ZNF277: variants seen among roughly 807,000 people sequenced by gnomAD.
ZNF277 encodes the protein nuclear receptor-interacting factor 4.
ZNF277 carries 55 observed loss-of-function variants against 60.7 expected under a neutral mutation model. The ratio of observed to expected loss-of-function variants is 0.91; its 90% CI spans 0.73 to 1.13. The LOEUF (loss-of-function observed/expected upper bound fraction) is 1.13, where lower values mean the gene tolerates loss of function less well. Among genes scored for constraint, ZNF277 ranks in the 50% most tolerant of loss-of-function variants. The probability of loss-of-function intolerance (pLI) is 0.00; values close to 1 mark genes in which losing one functional copy is unlikely to be tolerated. For synonymous variants in ZNF277, 178 were observed against 179.3 expected (o/e 0.99, Z 0.06); for missense variants, 510 against 523.0 (o/e 0.98, Z 0.24).
intron 1 of ZNF277, among the ~76,000 whole-genome samples, chr7:112,257,129 C>T (rs1179451349): frequency 6.6e-6 from 1 of 152,126 alleles, no homozygotes; most frequent in East Asian, 1.9e-4. Flanking sequence ...TATTGATGAC[C>T]ATCAACATAA....
At chr7:112,322,739 C>G (rs773793177) in intron 5 of ZNF277, among the ~76,000 whole-genome samples, 4 of 152,044 alleles carry the variant, frequency 2.6e-5, no homozygotes, top group Non-Finnish European at 5.9e-5. Flanking sequence ...ATTTCTGTTT[C>G]TGCTTTCTTC....
At chr7:112,246,917 G>A (rs1021155675) in intron 1 of ZNF277, among the ~76,000 whole-genome samples, 2 of 152,144 alleles carry the variant, frequency 1.3e-5, no homozygotes, top group African/African-American at 4.8e-5. Context: ...TTAGGCCCCA[G>A]AGAGACATTT....
chr7:112,232,950 T>C (rs182829132), intron 1 of ZNF277, among the ~76,000 whole-genome samples: 2 of 152,302 alleles, frequency 1.3e-5, no homozygotes, highest in Admixed American at 6.5e-5. Flanking sequence ...AAATCATCTC[T>C]TCCCTGCCTG....
At position 112,296,888 on chromosome 7, in the gene ZNF277, T is replaced by TTTTATTTATTTATTTATTTA. The variant is rs764539582; in HGVS notation, c.465+585_465+604dup. Among the ~76,000 whole-genome samples, 99 of 62,136 alleles carry TTTTATTTATTTATTTATTTA rather than the reference T, an allele frequency of 1.6e-3. 1 individual carries two copies. Among genetic ancestry groups the TTTTATTTATTTATTTATTTA allele is most frequent in the Middle Eastern group, 9.4e-3 (1 of 106 alleles). The allele number at this position is 62,136 out of a possible 152,430, so 40.8% of individuals were successfully genotyped here. On this transcript the variant is annotated intron_variant, in intron 4 of 11. Transcript: ENST00000361822. ...ATTTTATTTTATTTTCTTATTTTTATTTTATTTATTTATTTATTTATTTAT... is the reference window on the plus strand; with the variant it reads ...ATTTTATTTTATTTTCTTATTTTTATTTTATTTATTTATTTATTTATTTATTTATTTATTTATTTATTTAT...
chr7:112,214,085 G>A (rs1821821007), intron 1 of ZNF277, among the ~76,000 whole-genome samples: 1 of 152,144 alleles, frequency 6.6e-6, no homozygotes, highest in African/African-American at 2.4e-5. Context: ...GATTTGATGG[G>A]TCAGATACCG....
chr7:112,207,528 G>A (rs907183341), intron 1 of ZNF277, among the ~76,000 whole-genome samples: 1 of 152,152 alleles, frequency 6.6e-6, no homozygotes, highest in Non-Finnish European at 1.5e-5. Flanking sequence ...TCACAACTTT[G>A]GCTGTACCTG....
chr7:112,268,752 G>A (rs1408143098), intron 1 of ZNF277, among the ~76,000 whole-genome samples: 1 of 151,908 alleles, frequency 6.6e-6, no homozygotes, highest in African/African-American at 2.4e-5. Context: ...ATTGTTCCTT[G>A]GCTTGCTTAT....
At chr7:112,318,149 A>C (rs372266368) in intron 4 of ZNF277, 33 bp from the exon 5 acceptor site, 34 of 1,567,324 alleles carry the variant, frequency 2.2e-5, no homozygotes, top group South Asian at 1.3e-4. Context: ...TTGTGCATTA[A>C]GATAATACCA....
At chr7:112,341,128 G>GAAA in intron 11 of ZNF277, 82 bp downstream of exon 11, 1 of 1,239,912 alleles carries the variant, frequency 8.1e-7, no homozygotes, top group Non-Finnish European at 1.1e-6. Flanking sequence ...TAAGCCTACA[G>GAAA]AAAAAAAAGG....
chr7:112,272,047 C>T (rs1276874172), intron 1 of ZNF277, among the ~76,000 whole-genome samples: 1 of 152,154 alleles, frequency 6.6e-6, no homozygotes, highest in Non-Finnish European at 1.5e-5. Flanking sequence ...TTTAATCTAA[C>T]TATAATTATA....
intron 4 of ZNF277, among the ~76,000 whole-genome samples, chr7:112,307,615 A>G (rs1347810678): frequency 4.0e-5 from 6 of 151,832 alleles, no homozygotes; most frequent in African/African-American, 1.2e-4. Flanking sequence ...GGGTTTCACC[A>G]TGTTGGCCAG....
In ZNF277 at chr7:112,277,170, G is replaced by A. The variant is rs567714167; in HGVS notation, c.92-9703G>A. 2.1e-4 allele frequency among the ~76,000 whole-genome samples: 29 copies of A among 138,188 alleles called. No homozygotes were observed. The East Asian group carries it at 3.1e-3, about 15-fold the overall frequency. The allele number at this position is 138,188 out of a possible 152,430, so 90.7% of individuals were successfully genotyped here. A position where few individuals can be genotyped will look rare whatever the true frequency, so the allele number is the denominator to read the frequency against. ...ACGATCTCGGCTCACTGCAAGCTCCGCCTCCCAGGTTCACACCATTCTCCT... is the reference window on the plus strand; with the variant it reads ...ACGATCTCGGCTCACTGCAAGCTCCACCTCCCAGGTTCACACCATTCTCCT... On this transcript the variant is annotated intron_variant, in intron 1 of 11. Transcript: ENST00000361822.
chr7:112,278,514 T>C (rs543775205), intron 1 of ZNF277, among the ~76,000 whole-genome samples: 2 of 152,352 alleles, frequency 1.3e-5, no homozygotes, highest in African/African-American at 4.8e-5. Flanking sequence ...TAATTGACCA[T>C]GTGTGTCAGA....
At chr7:112,306,013 C>T (rs1226879099) in intron 4 of ZNF277, among the ~76,000 whole-genome samples, 1 of 152,126 alleles carries the variant, frequency 6.6e-6, no homozygotes, top group Non-Finnish European at 1.5e-5. Flanking sequence ...TTTGTATCAA[C>T]AGGACAGACC....
intron 1 of ZNF277, among the ~76,000 whole-genome samples, chr7:112,211,332 G>A (rs551901190): frequency 4.6e-5 from 7 of 152,208 alleles, no homozygotes; most frequent in East Asian, 1.9e-4. Flanking sequence ...ATTTTTCTGC[G>A]CCTGTAGTAT....
chr7:112,263,488 T>C (rs1791479446), intron 1 of ZNF277, among the ~76,000 whole-genome samples: 1 of 152,220 alleles, frequency 6.6e-6, no homozygotes, highest in Admixed American at 6.5e-5. Context: ...CCTAGCATGA[T>C]GCCTAATAGA....
chr7:112,267,659 C>G (rs1434521743), intron 1 of ZNF277, among the ~76,000 whole-genome samples: 1 of 152,078 alleles, frequency 6.6e-6, no homozygotes, highest in East Asian at 1.9e-4. Context: ...ATTTTCTTCT[C>G]TTTTCCATTT....
intron 4 of ZNF277, among the ~76,000 whole-genome samples, chr7:112,308,017 G>C (rs1792640073): frequency 6.6e-6 from 1 of 151,630 alleles, no homozygotes; most frequent in African/African-American, 2.4e-5. Context: ...GTTTGATCTT[G>C]GTGTTGACTT....
chr7:112,280,977 A>G (rs1333481040), intron 1 of ZNF277, among the ~76,000 whole-genome samples: 1 of 152,194 alleles, frequency 6.6e-6, no homozygotes, highest in Admixed American at 6.5e-5. Context: ...ACTTGTAGTG[A>G]CAGCTGGAAG....
Sources: allele counts gnomAD v4.1 joint callset (sites outside exome capture counted in the v4.1 genomes callset), GRCh38; gene constraint gnomAD v4.1.1; transcripts MANE v1.5; gene names NCBI Gene and HGNC (gene_info 2026-07-23, HGNC 2026-07-21).